GTF2F2: variants seen among roughly 807,000 people sequenced by gnomAD.
GTF2F2 encodes the protein ATP-dependent helicase GTF2F2.
Under a neutral mutation model 42.2 loss-of-function variants are expected in GTF2F2, and 23 were observed. That is an observed-to-expected ratio of 0.55 (90% CI 0.39 to 0.77). GTF2F2 has a LOEUF of 0.77. Ranked by LOEUF, GTF2F2 falls within the 30% of genes least tolerant of loss-of-function variation. The pLI is 0.00. For synonymous variants in GTF2F2, 105 were observed against 100.8 expected, an observed-to-expected ratio of 1.04 and a Z score of -0.25; for missense variants, 261 against 287.2, an observed-to-expected ratio of 0.91 and a Z score of 0.66.
At chr13:45,212,330 T>A (rs1873684241) in intron 5 of GTF2F2, among the ~76,000 whole-genome samples, 1 of 152,226 alleles carries the variant, frequency 6.6e-6, no homozygotes, top group Non-Finnish European at 1.5e-5. Flanking sequence ...ATTATATAGT[T>A]ATAGCACACT....
chr13:45,165,327 A>AT (rs1227410406), intron 4 of GTF2F2, among the ~76,000 whole-genome samples: 2,362 of 133,152 alleles, frequency 0.018, 55 homozygotes, highest in African/African-American at 0.065. Context: ...ATATATATAT[A>AT]TATATTTTTT....
At chr13:45,221,148 C>T (rs1206724379) in intron 5 of GTF2F2, among the ~76,000 whole-genome samples, 7 of 151,980 alleles carry the variant, frequency 4.6e-5, no homozygotes, top group Middle Eastern at 3.2e-3. Flanking sequence ...GTTGTTAGCC[C>T]ACCTCTAATG....
chr13:45,128,470 G>A (rs1365026364), intron 1 of GTF2F2, among the ~76,000 whole-genome samples: 1 of 151,086 alleles, frequency 6.6e-6, no homozygotes, highest in Non-Finnish European at 1.5e-5. Flanking sequence ...CTACTCGGGA[G>A]GCTGAGGCAA....
intron 4 of GTF2F2, chr13:45,193,496 T>C (rs1368919391): frequency 7.1e-6 from 2 of 282,894 alleles, no homozygotes; most frequent in Non-Finnish European, 1.3e-5. Context: ...ACAATCTGAA[T>C]TGAAAGACAG....
At chr13:45,261,701 T>TA (rs1481633058) in intron 6 of GTF2F2, among the ~76,000 whole-genome samples, 1 of 152,204 alleles carries the variant, frequency 6.6e-6, no homozygotes, top group African/African-American at 2.4e-5. Flanking sequence ...ATCATTTCCT[T>TA]ACAGTGCCTG....
intron 1 of GTF2F2, among the ~76,000 whole-genome samples, chr13:45,127,874 G>A (rs539768424): frequency 3.7e-5 from 5 of 134,964 alleles, no homozygotes; most frequent in African/African-American, 5.8e-5. Flanking sequence ...CTTGTGATCT[G>A]CCCGCCTCAG....
At chr13:45,156,551 TG>T (rs1240220525) in intron 4 of GTF2F2, among the ~76,000 whole-genome samples, 17 of 152,286 alleles carry the variant, frequency 1.1e-4, no homozygotes, top group African/African-American at 4.1e-4. Flanking sequence ...ATTGGTGCAA[TG>T]GGAGTGGAAA....
At position 45,283,894 on chromosome 13, in the gene GTF2F2, G is replaced by T. The variant is rs541543158; in HGVS notation, c.*333G>T. 1 of 154,406 alleles carries T rather than the reference G, an allele frequency of 6.5e-6. No homozygotes were observed. The highest frequency in any genetic ancestry group is 1.4e-5 in the Non-Finnish European group (1 of 69,586). 9.6% of individuals were successfully genotyped at this position (154,406 alleles called of 1,614,324 possible). A position where few individuals can be genotyped will look rare whatever the true frequency, so the allele number is the denominator to read the frequency against. ...TTTTAAGTGAGGACTCTCTACCCTT[G>T]CCGTATCTAAGGAGCTGAGGTAATA... On this transcript the variant is annotated 3_prime_UTR_variant, in exon 8 of 8. Transcript: ENST00000340473.
At chr13:45,182,219 C>T (rs943810176) in intron 4 of GTF2F2, among the ~76,000 whole-genome samples, 1 of 152,042 alleles carries the variant, frequency 6.6e-6, no homozygotes, top group African/African-American at 2.4e-5. Context: ...GGTGCAATCT[C>T]GGCTTACTGC....
chr13:45,241,015 T>C (rs1418840534), intron 5 of GTF2F2, among the ~76,000 whole-genome samples: 2 of 147,366 alleles, frequency 1.4e-5, no homozygotes, highest in African/African-American at 5.0e-5. Flanking sequence ...TAGTCGGGTG[T>C]GGTGGCATGC....
At chr13:45,257,285 T>C (rs1876143338) in intron 6 of GTF2F2, among the ~76,000 whole-genome samples, 2 of 152,206 alleles carry the variant, frequency 1.3e-5, no homozygotes, top group African/African-American at 4.8e-5. Context: ...AACCATCTTC[T>C]TACTAGGATA....
intron 6 of GTF2F2, among the ~76,000 whole-genome samples, chr13:45,260,971 C>G (rs777342317): frequency 3.3e-5 from 5 of 152,118 alleles, no homozygotes; most frequent in Non-Finnish European, 7.4e-5. Flanking sequence ...AATAAAAATA[C>G]AAAAATTAGC....
At chr13:45,144,475 T>A (rs75956004) in intron 2 of GTF2F2, among the ~76,000 whole-genome samples, 1 of 145,912 alleles carries the variant, frequency 6.9e-6, no homozygotes. Flanking sequence ...TTTTTTTTTT[T>A]TTTGAGACAG....
chr13:45,189,938 T>C (rs1050452138), intron 4 of GTF2F2, among the ~76,000 whole-genome samples: 1 of 152,182 alleles, frequency 6.6e-6, no homozygotes, highest in African/African-American at 2.4e-5. Context: ...ATTCAGGACA[T>C]AGGCATGGGC....
At chr13:45,152,492 A>AAC (rs1870548776) in intron 4 of GTF2F2, among the ~76,000 whole-genome samples, 1 of 152,172 alleles carries the variant, frequency 6.6e-6, no homozygotes, top group Admixed American at 6.5e-5. Context: ...GTTTTAGTAA[A>AAC]TTGATATTCA....
chr13:45,165,340 T>TTTC (rs1445967472), intron 4 of GTF2F2, among the ~76,000 whole-genome samples: 14 of 147,654 alleles, frequency 9.5e-5, no homozygotes, highest in African/African-American at 3.2e-4. Context: ...TATTTTTTTT[T>TTTC]TCTTTGAGAC....
intron 4 of GTF2F2, among the ~76,000 whole-genome samples, chr13:45,198,162 G>T (rs1460894414): frequency 6.6e-6 from 1 of 152,136 alleles, no homozygotes; most frequent in Non-Finnish European, 1.5e-5. Context: ...CTAAACTCTG[G>T]CAGAACCTTC....
intron 6 of GTF2F2, among the ~76,000 whole-genome samples, chr13:45,261,120 C>T (rs1230152516): frequency 1.3e-5 from 2 of 151,520 alleles, no homozygotes; most frequent in Non-Finnish European, 2.9e-5. Flanking sequence ...AGTGAGACCC[C>T]ATCTCAAAAA....
chr13:45,218,343 G>A (rs1873973878), intron 5 of GTF2F2, among the ~76,000 whole-genome samples: 1 of 152,158 alleles, frequency 6.6e-6, no homozygotes, highest in African/African-American at 2.4e-5. Context: ...ATTAGAAAAA[G>A]GTGCTCCTTC....
Sources: gnomAD v4.1 joint callset for allele counts (sites outside exome capture counted in the v4.1 genomes callset) on GRCh38, gnomAD v4.1.1 for gene constraint, MANE v1.5 for transcripts, NCBI Gene and HGNC (gene_info 2026-07-23, HGNC 2026-07-21) for gene names.